Variants in FARP2 observed in about 807,000 individuals in gnomAD.
FARP2 encodes FERM, ARH/RhoGEF and pleckstrin domain protein 2.
In FARP2, 111 loss-of-function variants were observed where a neutral mutation model predicts 130.5. The ratio of observed to expected loss-of-function variants is 0.85; its 90% CI spans 0.73 to 1.00. FARP2 has a LOEUF of 1.00. Among genes scored for constraint, FARP2 ranks in the 50% least tolerant of loss-of-function variants. The pLI, the probability that FARP2 is intolerant of heterozygous loss-of-function variation, is 0.00. For missense variants in FARP2, 1,385 were observed against 1,346.3 expected (o/e 1.03, Z -0.45); for synonymous variants, 504 against 516.9 (o/e 0.98, Z 0.34).
intron 21 of FARP2, chr2:241,488,512 G>A (rs2064816334): frequency 2.0e-5 from 3 of 151,308 alleles, no homozygotes; most frequent in South Asian, 2.1e-4. Flanking sequence ...CGCCTCCTGG[G>A]TTCACACCAT....
At chr2:241,406,118 A>ACAGTT in intron 4 of FARP2, among the ~76,000 whole-genome samples, 2 of 152,006 alleles carry the variant, frequency 1.3e-5, no homozygotes, top group Admixed American at 6.6e-5. Context: ...CCTGGCTAAC[A>ACAGTT]TGGTGAAACT....
At chr2:241,386,421 A>G (rs2150320555) in intron 2 of FARP2, among the ~76,000 whole-genome samples, 1 of 152,232 alleles carries the variant, frequency 6.6e-6, no homozygotes, top group African/African-American at 2.4e-5. Flanking sequence ...TTGAGAAAAG[A>G]AAAGCTTTAT....
rs369683757 is a variant in FARP2 at position 241,459,660 on chromosome 2, C to T, written c.1587+2738C>T. Among the ~76,000 whole-genome samples the T allele has an allele frequency of 6.6e-6, 1 of 152,228 alleles. No individual in the cohort carries two copies. Among genetic ancestry groups the T allele is most frequent in the Non-Finnish European group, 1.5e-5 (1 of 68,044 alleles). ...TGGCGAAGCTCACAGGAATTGCATG[C>T]TCCTCTGGGCCTATCCCTGGCCGCC... On this transcript the variant is annotated intron_variant, in intron 14 of 26. Transcript: ENST00000264042. The surrounding 1 kb of genome is among the most constrained non-coding windows in gnomAD (Gnocchi z 5.3).
Position 241,458,411 on chromosome 2 carries a change from G to A in FARP2, c.1587+1489G>A, listed in dbSNP as rs78816762. Among the ~76,000 whole-genome samples the A allele has an allele frequency of 4.6e-3, 704 of 152,276 alleles. 2 individuals carry two copies. The highest frequency in any genetic ancestry group is 0.016 in the African/African-American group (672 of 41,560). ...TGCCTTCCAGATGCCAGGGCTACCC[G>A]TGGGATGCTGGGACTCTCAGCAGGT... On this transcript the variant is annotated intron_variant, in intron 14 of 26. Coordinates refer to ENST00000264042, the MANE Select transcript of FARP2 (RefSeq NM_014808.4).
intron 2 of FARP2, among the ~76,000 whole-genome samples, chr2:241,390,233 G>A (rs187823893): frequency 1.3e-5 from 2 of 152,328 alleles, no homozygotes; most frequent in Non-Finnish European, 2.9e-5. Context: ...TGCAGGATTT[G>A]AGAGTTCCTA....
Position 241,358,778 on chromosome 2 carries a change from G to A in FARP2, c.-25+2390G>A, listed in dbSNP as rs557131536. 4.6e-3 allele frequency among the ~76,000 whole-genome samples: 694 copies of A among 152,224 alleles called. 4 individuals are homozygous for A. The highest frequency in any genetic ancestry group is 6.0e-3 in the Admixed American group (92 of 15,288). On this transcript the variant is annotated intron_variant, in intron 1 of 26. Transcript: ENST00000264042. ...GAATATAGAGTCCTTTGACCATAGCGTATTTGTCAATGCCACAGGGAGTTG... is the reference window on the plus strand; with the variant it reads ...GAATATAGAGTCCTTTGACCATAGCATATTTGTCAATGCCACAGGGAGTTG...
intron 17 of FARP2, chr2:241,465,829 T>C: frequency 6.5e-7 from 1 of 1,541,894 alleles, no homozygotes; most frequent in Non-Finnish European, 8.8e-7. Flanking sequence ...TGGCCACTCC[T>C]CACACCTAGA....
At chr2:241,382,784 A>G (rs928925725) in intron 2 of FARP2, among the ~76,000 whole-genome samples, 1 of 152,192 alleles carries the variant, frequency 6.6e-6, no homozygotes, top group East Asian at 1.9e-4. Flanking sequence ...TGGACATTTC[A>G]TATTACAATT....
chr2:241,471,110 G>A (rs2064293765), intron 18 of FARP2, among the ~76,000 whole-genome samples: 1 of 149,786 alleles, frequency 6.7e-6, no homozygotes, highest in African/African-American at 2.5e-5. Context: ...CTCTGAGAAG[G>A]ACCCTGTTCT....
intron 2 of FARP2, chr2:241,387,036 A>G (rs969919132): frequency 6.6e-6 from 1 of 152,176 alleles, no homozygotes; most frequent in African/African-American, 2.4e-5. Context: ...GAATCATTTA[A>G]TGTGTTTGAA....
chr2:241,403,190 A>C (rs932013567), intron 2 of FARP2, among the ~76,000 whole-genome samples: 6 of 151,760 alleles, frequency 4.0e-5, no homozygotes. Flanking sequence ...AAAGACTCTT[A>C]AGACTTTAGC....
intron 18 of FARP2, among the ~76,000 whole-genome samples, chr2:241,469,684 C>T (rs2064259189): frequency 6.6e-6 from 1 of 152,144 alleles, no homozygotes; most frequent in Non-Finnish European, 1.5e-5. Flanking sequence ...GTCATTATAC[C>T]ACAGTAGTTA....
intron 2 of FARP2, among the ~76,000 whole-genome samples, chr2:241,392,899 C>CA (rs2061940243): frequency 6.7e-6 from 1 of 150,152 alleles, no homozygotes; most frequent in African/African-American, 2.5e-5. Flanking sequence ...GCCGAGATGG[C>CA]ACCACTACAC....
intron 4 of FARP2, among the ~76,000 whole-genome samples, chr2:241,405,090 G>C (rs2062298439): frequency 6.6e-6 from 1 of 151,990 alleles, no homozygotes; most frequent in Admixed American, 6.6e-5. Context: ...CTTAATTTTT[G>C]GCCAATATGC....
intron 18 of FARP2, among the ~76,000 whole-genome samples, chr2:241,469,053 TTTTTTG>T (rs756666400): frequency 2.6e-5 from 4 of 151,676 alleles, no homozygotes; most frequent in Non-Finnish European, 4.4e-5. Flanking sequence ...TATCAGGAGG[TTTTTTG>T]TTTTTGTTTT....
chr2:241,440,436 G>A (rs1257284162), intron 12 of FARP2, among the ~76,000 whole-genome samples: 1 of 152,170 alleles, frequency 6.6e-6, no homozygotes, highest in Non-Finnish European at 1.5e-5. Context: ...AGCAGGTGAT[G>A]CAGCATAGCC....
intron 21 of FARP2, among the ~76,000 whole-genome samples, chr2:241,486,996 A>T (rs368684721): frequency 6.8e-6 from 1 of 146,676 alleles, no homozygotes; most frequent in East Asian, 1.9e-4. Context: ...CGGTGAGGCC[A>T]GCCTGGCCCC....
chr2:241,407,426 T>G, intron 4 of FARP2, 111 bp from the exon 5 acceptor site: 1 of 796,580 alleles, frequency 1.3e-6, no homozygotes, highest in Non-Finnish European at 2.1e-6. Context: ...TTGAAAAGAT[T>G]TGCTGTAACA....
chr2:241,397,414 T>C (rs1321041371), intron 2 of FARP2, among the ~76,000 whole-genome samples: 1 of 152,222 alleles, frequency 6.6e-6, no homozygotes, highest in Non-Finnish European at 1.5e-5. Flanking sequence ...TCATGAAGTA[T>C]AAAGTTTTGT....
Sources: allele counts gnomAD v4.1 joint callset (sites outside exome capture counted in the v4.1 genomes callset), GRCh38; gene constraint gnomAD v4.1.1; non-coding constraint Gnocchi (gnomAD v3.1); transcripts MANE v1.5; gene names NCBI Gene and HGNC (gene_info 2026-07-23, HGNC 2026-07-21).